DAB1: variants seen among roughly 807,000 people sequenced by gnomAD.
The protein encoded by DAB1 is DAB adaptor protein 1.
In DAB1, 15 loss-of-function variants were observed where a neutral mutation model predicts 64.6. That is an observed-to-expected ratio of 0.23 (90% confidence interval 0.16 to 0.36). The LOEUF is 0.36. DAB1 is among the 10% of genes least tolerant of loss of function. The probability of loss-of-function intolerance (pLI) is 1.00; values close to 1 mark genes in which losing one functional copy is unlikely to be tolerated. For missense variants in DAB1, 596 were observed against 706.7 expected, an observed-to-expected ratio of 0.84 and a Z score of 1.78; for synonymous variants, 235 against 251.9, an observed-to-expected ratio of 0.93 and a Z score of 0.64.
intron 5 of DAB1, among the ~76,000 whole-genome samples, chr1:57,914,634 TA>T (rs534134863): frequency 7.2e-5 from 11 of 152,002 alleles, no homozygotes; most frequent in Non-Finnish European, 1.2e-4. Context: ...ATGACTCTCT[TA>T]AAAAAAAGTC....
intron 7 of DAB1, among the ~76,000 whole-genome samples, chr1:57,533,832 G>C (rs1308979857): frequency 2.0e-5 from 3 of 151,914 alleles, no homozygotes; most frequent in African/African-American, 7.3e-5. Flanking sequence ...AATAGCACTA[G>C]AATAAACACA....
chr1:57,738,025 T>A (rs1426496055), intron 6 of DAB1, among the ~76,000 whole-genome samples: 1 of 152,182 alleles, frequency 6.6e-6, no homozygotes, highest in Non-Finnish European at 1.5e-5. Flanking sequence ...GGCTGCTTTT[T>A]CTGATTACCT....
At chr1:58,476,230 T>G (rs1242664407) in intron 3 of DAB1, among the ~76,000 whole-genome samples, 1 of 152,178 alleles carries the variant, frequency 6.6e-6, no homozygotes, top group African/African-American at 2.4e-5. Context: ...AAAATAATTT[T>G]TTTTTTCTTT....
At chr1:57,008,242 CA>C (rs1460341946) in intron 14 of DAB1, among the ~76,000 whole-genome samples, 1 of 152,240 alleles carries the variant, frequency 6.6e-6, no homozygotes, top group Non-Finnish European at 1.5e-5. Flanking sequence ...GAGAGCTAAG[CA>C]GCAGGCTTTT....
At chr1:57,121,616 A>G (rs1656672668) in intron 4 of DAB1, among the ~76,000 whole-genome samples, 1 of 152,180 alleles carries the variant, frequency 6.6e-6, no homozygotes, top group South Asian at 2.1e-4. Context: ...TGTGGTTTTC[A>G]TTATGAAGTC....
chr1:57,756,387 G>T (rs967180402), intron 6 of DAB1, among the ~76,000 whole-genome samples: 1 of 152,174 alleles, frequency 6.6e-6, no homozygotes, highest in South Asian at 2.1e-4. Flanking sequence ...AATCCTGAAA[G>T]AGGTGATTAC....
intron 2 of DAB1, among the ~76,000 whole-genome samples, chr1:57,163,458 G>C (rs1335961026): frequency 6.6e-6 from 1 of 151,978 alleles, no homozygotes; most frequent in African/African-American, 2.4e-5. Flanking sequence ...AGGGGAAGGG[G>C]GTTAGAGGTG....
intron 4 of DAB1, among the ~76,000 whole-genome samples, chr1:57,130,776 A>G (rs1191406790): frequency 6.6e-6 from 1 of 152,194 alleles, no homozygotes; most frequent in African/African-American, 2.4e-5. Flanking sequence ...GTAAATGGGT[A>G]TAAAATTTTG....
intron 1 of DAB1, among the ~76,000 whole-genome samples, chr1:57,315,531 C>T (rs1675117157): frequency 6.6e-6 from 1 of 152,128 alleles, no homozygotes; most frequent in South Asian, 2.1e-4. Context: ...GCGACGGAGT[C>T]TCGCTCTGTC....
At chr1:58,120,965 AG>A (rs1445951078) in intron 5 of DAB1, among the ~76,000 whole-genome samples, 1 of 152,196 alleles carries the variant, frequency 6.6e-6, no homozygotes, top group African/African-American at 2.4e-5. Flanking sequence ...GGTGTAGGGT[AG>A]GGAGTTTCAT....
chr1:58,441,772 T>C (rs948193267), intron 3 of DAB1, among the ~76,000 whole-genome samples: 4 of 152,184 alleles, frequency 2.6e-5, no homozygotes, highest in Non-Finnish European at 5.9e-5. Context: ...CAGCTTCTGA[T>C]TAAGCAGGAC....
intron 7 of DAB1, among the ~76,000 whole-genome samples, chr1:57,454,610 G>A (rs1233609302): frequency 1.3e-5 from 2 of 152,032 alleles, no homozygotes; most frequent in South Asian, 2.1e-4. Flanking sequence ...CATGTGACAC[G>A]AGTTTACCTA....
chr1:58,419,771 T>C (rs1644755302), intron 3 of DAB1, among the ~76,000 whole-genome samples: 1 of 152,206 alleles, frequency 6.6e-6, no homozygotes, highest in Non-Finnish European at 1.5e-5. Context: ...ATCCACTGTG[T>C]CTCAGGTGCT....
chr1:57,487,716 A>G (rs1007447807), intron 7 of DAB1, among the ~76,000 whole-genome samples: 2 of 152,200 alleles, frequency 1.3e-5, no homozygotes, highest in Non-Finnish European at 2.9e-5. Flanking sequence ...GTTTTAGGCT[A>G]TACCATCTAG....
exon 5 of DAB1, chr1:58,150,552 G>A (rs1654862315): frequency 6.7e-6 from 1 of 149,814 alleles, no homozygotes; most frequent in Admixed American, 6.6e-5. Context: ...CCAAGGCAGT[G>A]AATTTGCATT....
chr1:57,226,672 A>ATATATAT (rs1553158266), intron 2 of DAB1, among the ~76,000 whole-genome samples: 34 of 135,996 alleles, frequency 2.5e-4, no homozygotes, highest in African/African-American at 1.0e-3. Flanking sequence ...TTAAAAAAAA[A>ATATATAT]ATATATATAT....
chr1:57,719,885 A>G (rs1557441917), intron 6 of DAB1, among the ~76,000 whole-genome samples: 2 of 152,232 alleles, frequency 1.3e-5, no homozygotes, highest in Non-Finnish European at 2.9e-5. Flanking sequence ...TATTTCTTAA[A>G]GACTATTTTC....
At chr1:58,101,993 G>A (rs1424827236) in intron 5 of DAB1, among the ~76,000 whole-genome samples, 1 of 152,198 alleles carries the variant, frequency 6.6e-6, no homozygotes, top group Non-Finnish European at 1.5e-5. Context: ...CTTGCCACAG[G>A]CCCTTCTACA....
At chr1:57,380,925 T>C (rs530623204) in intron 1 of DAB1, among the ~76,000 whole-genome samples, 1 of 152,314 alleles carries the variant, frequency 6.6e-6, no homozygotes, top group East Asian at 1.9e-4. Context: ...ATTTGAAATG[T>C]AAGAGTTGAT....
Sources: allele counts gnomAD v4.1 joint callset (sites outside exome capture counted in the v4.1 genomes callset), GRCh38; gene constraint gnomAD v4.1.1; transcripts MANE v1.5; gene names NCBI Gene and HGNC (gene_info 2026-07-23, HGNC 2026-07-21).